Variants in RIT2 observed in about 807,000 individuals in gnomAD.
The protein encoded by RIT2 is GTP-binding protein Rit2.
In RIT2, 24 loss-of-function variants were observed where a neutral mutation model predicts 23.7. That is an observed-to-expected ratio of 1.01 (90% CI 0.73 to 1.43). The LOEUF is 1.43. RIT2 is among the 40% of genes most tolerant of loss of function. The pLI is 0.00. For missense variants in RIT2, 236 were observed against 266.9 expected, an observed-to-expected ratio of 0.88 and a Z score of 0.81; for synonymous variants, 107 against 91.1, an observed-to-expected ratio of 1.17 and a Z score of -0.99.
At chr18:42,930,042 A>G (rs1909287930) in intron 3 of RIT2, among the ~76,000 whole-genome samples, 1 of 152,106 alleles carries the variant, frequency 6.6e-6, no homozygotes, top group African/African-American at 2.4e-5. Context: ...GAAGAGAAAC[A>G]ATGCTACAGA....
intron 1 of RIT2, among the ~76,000 whole-genome samples, chr18:43,066,615 T>C (rs1912776461): frequency 6.6e-6 from 1 of 152,092 alleles, no homozygotes. Flanking sequence ...AAGAAACTCA[T>C]GGTTTAGTTA....
At chr18:42,963,236 T>A (rs1169440241) in intron 3 of RIT2, among the ~76,000 whole-genome samples, 2 of 152,308 alleles carry the variant, frequency 1.3e-5, no homozygotes, top group East Asian at 3.9e-4. Context: ...TAGAAAATAG[T>A]CTTGAACCAG....
At chr18:42,884,998 T>C (rs1475288360) in intron 4 of RIT2, among the ~76,000 whole-genome samples, 6 of 152,230 alleles carry the variant, frequency 3.9e-5, no homozygotes, top group Admixed American at 3.9e-4. Context: ...TCACCAAGGT[T>C]ACCAAAGTGA....
At chr18:42,834,882 G>T (rs1906554893) in intron 4 of RIT2, among the ~76,000 whole-genome samples, 1 of 152,000 alleles carries the variant, frequency 6.6e-6, no homozygotes, top group Admixed American at 6.6e-5. Flanking sequence ...GATGTTTTTG[G>T]CATGCTTGAC....
chr18:43,110,866 T>C (rs1433489489), intron 1 of RIT2, among the ~76,000 whole-genome samples: 1 of 152,150 alleles, frequency 6.6e-6, no homozygotes. Context: ...TTGTGTATAT[T>C]TAAGGTATAC....
chr18:42,932,987 A>G (rs946594746), intron 3 of RIT2, among the ~76,000 whole-genome samples: 1 of 152,168 alleles, frequency 6.6e-6, no homozygotes, highest in African/African-American at 2.4e-5. Flanking sequence ...TCAAGGAATT[A>G]GGTTTGTGAC....
At chr18:42,795,919 G>A (rs1433572872) in intron 4 of RIT2, among the ~76,000 whole-genome samples, 20 of 152,034 alleles carry the variant, frequency 1.3e-4, no homozygotes, top group Non-Finnish European at 7.4e-5. Context: ...TAGTGGGGAC[G>A]TGAAAACCTT....
At chr18:42,938,761 C>T (rs1010611956) in intron 3 of RIT2, among the ~76,000 whole-genome samples, 2 of 151,992 alleles carry the variant, frequency 1.3e-5, no homozygotes, top group African/African-American at 2.4e-5. Context: ...TTTTAAGAGA[C>T]GGCATCTTGC....
intron 2 of RIT2, among the ~76,000 whole-genome samples, chr18:42,980,834 G>T (rs770576398): frequency 3.9e-5 from 6 of 152,098 alleles, no homozygotes; most frequent in Non-Finnish European, 8.8e-5. Flanking sequence ...AGATGGAGAT[G>T]TATTTGATAA....
rs180972027 is a variant in RIT2, at chr18:43,098,902, A to G, written c.103+16515T>C. Reference sequence around the variant, plus strand: ...TACTATACGAAACAAACCCAGCCTCAGAGGAATGAACAGTCATGTCAATAT... The same window carrying G: ...TACTATACGAAACAAACCCAGCCTCGGAGGAATGAACAGTCATGTCAATAT... On this transcript the variant is annotated intron_variant, in intron 1 of 4. Coordinates refer to ENST00000326695, the MANE Select transcript of RIT2 (RefSeq NM_002930.4). 1.7e-3 allele frequency among the ~76,000 whole-genome samples: 262 copies of G among 152,156 alleles called. 1 individual carries two copies. Among genetic ancestry groups the G allele is most frequent in the Non-Finnish European group, 3.0e-3 (207 of 67,918 alleles).
chr18:42,824,008 T>G (rs1028768670), intron 4 of RIT2, among the ~76,000 whole-genome samples: 12 of 152,146 alleles, frequency 7.9e-5, no homozygotes, highest in African/African-American at 2.9e-4. Flanking sequence ...TGAAGACTTT[T>G]CGTTCATCTT....
At chr18:43,094,771 T>C (rs915369430) in intron 1 of RIT2, among the ~76,000 whole-genome samples, 2 of 152,256 alleles carry the variant, frequency 1.3e-5, no homozygotes, top group Middle Eastern at 3.4e-3. Context: ...ACAAGTGTTC[T>C]CATTGTTCAA....
intron 2 of RIT2, among the ~76,000 whole-genome samples, chr18:42,975,659 A>C (rs530031055): frequency 8.5e-5 from 13 of 152,186 alleles, no homozygotes; most frequent in African/African-American, 2.9e-4. Flanking sequence ...GACAACAGTA[A>C]GTGAGCCTGC....
intron 2 of RIT2, among the ~76,000 whole-genome samples, chr18:43,013,299 T>C (rs1810423306): frequency 1.3e-5 from 2 of 151,828 alleles, no homozygotes; most frequent in African/African-American, 4.8e-5. Context: ...AATGCAAACA[T>C]GAACTATAGC....
intron 1 of RIT2, among the ~76,000 whole-genome samples, chr18:43,095,203 C>T (rs139171959): frequency 0.011 from 1,748 of 152,204 alleles, 37 homozygotes; most frequent in African/African-American, 0.039. Flanking sequence ...TCCTATTTCT[C>T]CACATCCTCT....
At chr18:42,846,329 A>G (rs530774845) in intron 4 of RIT2, among the ~76,000 whole-genome samples, 20 of 152,098 alleles carry the variant, frequency 1.3e-4, no homozygotes, top group African/African-American at 4.8e-4. Flanking sequence ...AATCAGAATA[A>G]TTTTATAATT....
intron 2 of RIT2, among the ~76,000 whole-genome samples, chr18:43,030,440 G>A (rs1274991113): frequency 6.6e-6 from 1 of 152,048 alleles, no homozygotes; most frequent in Admixed American, 6.6e-5. Context: ...CAAGAAAGAA[G>A]TGGCAAGTGT....
At chr18:42,923,323 A>G in intron 4 of RIT2, 1 of 433,306 alleles carries the variant, frequency 2.3e-6, no homozygotes, top group South Asian at 3.7e-5. Flanking sequence ...TTTCTACTGT[A>G]TTCAGTATAC....
At chr18:42,864,746 T>C (rs972428842) in intron 4 of RIT2, among the ~76,000 whole-genome samples, 2 of 152,166 alleles carry the variant, frequency 1.3e-5, no homozygotes, top group African/African-American at 4.8e-5. Context: ...TAGCAAGAAA[T>C]TCCAGTGACT....
Sources: gnomAD v4.1 joint callset for allele counts (sites outside exome capture counted in the v4.1 genomes callset) on GRCh38, gnomAD v4.1.1 for gene constraint, MANE v1.5 for transcripts, NCBI Gene and HGNC (gene_info 2026-07-23, HGNC 2026-07-21) for gene names.